Variants in CRTC3 observed in about 807,000 individuals in gnomAD.
CRTC3 encodes the protein CREB regulated transcription coactivator 3, also known as CREB-regulated transcription coactivator 3.
Under a neutral mutation model 74.5 loss-of-function variants are expected in CRTC3, and 26 were observed. That is an observed-to-expected ratio of 0.35 (90% CI 0.26 to 0.48). CRTC3 has a LOEUF of 0.48. Ranked by LOEUF, CRTC3 falls within the 20% of genes least tolerant of loss-of-function variation. The probability of loss-of-function intolerance (pLI) is 0.99; values close to 1 mark genes in which losing one functional copy is unlikely to be tolerated. For missense variants in CRTC3, 760 were observed against 787.3 expected (o/e 0.97, Z 0.41); for synonymous variants, 377 against 325.8 (o/e 1.16, Z -1.69).
chr15:90,585,263 G>C (rs2151074857), intron 2 of CRTC3, among the ~76,000 whole-genome samples: 1 of 152,222 alleles, frequency 6.6e-6, no homozygotes, highest in South Asian at 2.1e-4. Context: ...TCCCACCTCA[G>C]CCTCCCAAGT....
At chr15:90,570,157 C>T (rs1364703494) in intron 2 of CRTC3, among the ~76,000 whole-genome samples, 2 of 152,140 alleles carry the variant, frequency 1.3e-5, no homozygotes, top group Non-Finnish European at 2.9e-5. Flanking sequence ...TCTTTAGTGT[C>T]TTTTTGACAT....
intron 6 of CRTC3, among the ~76,000 whole-genome samples, chr15:90,611,169 G>A (rs982082020): frequency 6.6e-6 from 1 of 152,174 alleles, no homozygotes; most frequent in Non-Finnish European, 1.5e-5. Context: ...GGCCCAGAGT[G>A]GGGAGGCTGA....
At chr15:90,559,424 C>G (rs1966965103) in intron 2 of CRTC3, among the ~76,000 whole-genome samples, 1 of 152,232 alleles carries the variant, frequency 6.6e-6, no homozygotes, top group East Asian at 1.9e-4. Flanking sequence ...TTATTATTAT[C>G]CAGATTTATG....
intron 6 of CRTC3, among the ~76,000 whole-genome samples, chr15:90,613,228 CT>C (rs1170435645): frequency 6.6e-6 from 1 of 151,112 alleles, no homozygotes; most frequent in Non-Finnish European, 1.5e-5. Context: ...CCTTGGCCGA[CT>C]CTCACACCTT....
intron 11 of CRTC3, among the ~76,000 whole-genome samples, chr15:90,634,170 G>T (rs1364938049): frequency 6.6e-6 from 1 of 151,234 alleles, no homozygotes; most frequent in Non-Finnish European, 1.5e-5. Context: ...GGAGTGCAGT[G>T]GTGTGATCTC....
intron 11 of CRTC3, among the ~76,000 whole-genome samples, chr15:90,636,727 T>C (rs998042464): frequency 8.6e-5 from 13 of 151,870 alleles, no homozygotes; most frequent in African/African-American, 3.1e-4. Flanking sequence ...AACAACCCCA[T>C]CAAAAAGTGG....
At chr15:90,632,151 T>C (rs1267265195) in intron 11 of CRTC3, among the ~76,000 whole-genome samples, 1 of 152,146 alleles carries the variant, frequency 6.6e-6, no homozygotes, top group African/African-American at 2.4e-5. Flanking sequence ...TCGTGGTTCT[T>C]ATGTTATTGA....
At chr15:90,629,195 C>A in intron 10 of CRTC3, 39 bp from the exon 11 acceptor site, 2 of 1,580,496 alleles carry the variant, frequency 1.3e-6, no homozygotes, top group South Asian at 1.1e-5. Context: ...AAGATTTGGT[C>A]TGAAATTATA....
chr15:90,530,219 G>T lies in CRTC3; in HGVS notation c.132+16G>T. On this transcript the variant is annotated intron_variant, in intron 1 of 14. Coordinates refer to ENST00000268184, the MANE Select transcript of CRTC3 (RefSeq NM_022769.5). This position sits in a 1 kb window ranked among gnomAD's most constrained non-coding sequence, Gnocchi z 6.2. ...CCTGTCGCGGGTGAGGGCCCGGGCC[G>T]GCGCGGGCGGGGGCGGCCACGGCCG... The T allele has an allele frequency of 8.8e-7, 1 of 1,131,284 alleles. No homozygotes were observed. The allele number at this position is 1,131,284 out of a possible 1,614,324, so 70.1% of individuals were successfully genotyped here. A position where few individuals can be genotyped will look rare whatever the true frequency, so the allele number is the denominator to read the frequency against.
At chr15:90,631,876 G>A (rs1170629044) in intron 11 of CRTC3, among the ~76,000 whole-genome samples, 3 of 151,956 alleles carry the variant, frequency 2.0e-5, no homozygotes, top group East Asian at 3.9e-4. Context: ...CCTTGTGCCA[G>A]GCATGAGCCA....
chr15:90,644,541 G>A lies in CRTC3; in HGVS notation c.*2401G>A. ...CAAAGGCGTTCTCCAGGTGACTTGT[G>A]AAAACAGACCTCCGGGGAAGTGATT... is the stretch of plus-strand genomic sequence containing the variant. On this transcript the variant is annotated 3_prime_UTR_variant, in exon 15 of 15. Coordinates refer to ENST00000268184, the MANE Select transcript of CRTC3 (RefSeq NM_022769.5). The A allele has an allele frequency of 4.3e-6, 1 of 232,976 alleles. No individual in the cohort carries two copies. Among genetic ancestry groups the A allele is most frequent in the Non-Finnish European group, 8.5e-6 (1 of 117,956 alleles). The allele number at this position is 232,976 out of a possible 1,614,324, so 14.4% of individuals were successfully genotyped here. A position where few individuals can be genotyped will look rare whatever the true frequency, so the allele number is the denominator to read the frequency against.
Position 90,625,857 on chromosome 15 carries a change from A to G in CRTC3, c.831A>G (p.Leu277=), listed in dbSNP as rs1968815024. Residue 277 remains leucine (L), a synonymous_variant, in exon 10 of 15, where the codon CTA becomes CTG. Coordinates refer to ENST00000268184, the MANE Select transcript of CRTC3 (RefSeq NM_022769.5). ...ACACTGGAGGGTCATTGCCAGATCT[A>G]ACCAACCTCCACTACTCGACACCCC... ...TLNTGGSLPD[L]TNLHYSTPLP... 1 of 1,614,172 alleles carries G rather than the reference A, an allele frequency of 6.2e-7. No individual in the cohort carries two copies. The highest frequency in any genetic ancestry group is 8.5e-7 in the Non-Finnish European group (1 of 1,180,012).
chr15:90,605,053 C>G (rs886264545), intron 5 of CRTC3, among the ~76,000 whole-genome samples: 1 of 151,718 alleles, frequency 6.6e-6, no homozygotes, highest in Non-Finnish European at 1.5e-5. Flanking sequence ...GTGAGTCCAG[C>G]AGTTTGAGGC....
Position 90,625,787 on chromosome 15 carries a change from A to G in CRTC3, c.761A>G (p.His254Arg). ...CTTTCTTTTTTCAGTGCTTTTCCAC[A>G]TAATGGTCAAAACCTAGGCCTCTCA... is the stretch of plus-strand genomic sequence containing the variant. ...CDVGGGNAFP[H>R]NGQNLGLSPF... The change falls in exon 10 of 15, where the codon CAT (histidine) becomes CGT (arginine). Residue 254 changes from histidine (H) to arginine (R), a missense_variant. Transcript: ENST00000268184. 6.2e-7 allele frequency: 1 copy of G among 1,614,012 alleles called. No individual in the cohort carries two copies. The highest frequency in any genetic ancestry group is 8.5e-7 in the Non-Finnish European group (1 of 1,179,852).
At chr15:90,637,694 C>T (rs1233678191) in intron 11 of CRTC3, among the ~76,000 whole-genome samples, 1 of 152,134 alleles carries the variant, frequency 6.6e-6, no homozygotes, top group East Asian at 1.9e-4. Context: ...ATGGTGGGGG[C>T]CAGTGCGCAG....
At chr15:90,564,233 A>G (rs1967074419) in intron 2 of CRTC3, among the ~76,000 whole-genome samples, 1 of 152,214 alleles carries the variant, frequency 6.6e-6, no homozygotes, top group Non-Finnish European at 1.5e-5. Context: ...CTTTTGTTGA[A>G]TTACTAAAAC....
chr15:90,630,403 AAAG>A (rs1968994255), intron 11 of CRTC3, among the ~76,000 whole-genome samples: 2 of 152,222 alleles, frequency 1.3e-5, no homozygotes, highest in African/African-American at 4.8e-5. Context: ...ATAAGGATGA[AAAG>A]AAGTCTGTTG....
chr15:90,550,148 G>T (rs936141474), intron 2 of CRTC3, among the ~76,000 whole-genome samples: 3 of 151,566 alleles, frequency 2.0e-5, no homozygotes, highest in Non-Finnish European at 4.4e-5. Context: ...TTAAAAATTG[G>T]CTGAGTGTGG....
intron 14 of CRTC3, 195 bp downstream of exon 14, chr15:90,641,394 C>T: frequency 3.5e-6 from 2 of 570,128 alleles, no homozygotes. Flanking sequence ...GTAGTCAAAG[C>T]CTTTTCTGAA....
Sources: allele counts gnomAD v4.1 joint callset (sites outside exome capture counted in the v4.1 genomes callset), GRCh38; gene constraint gnomAD v4.1.1; non-coding constraint Gnocchi (gnomAD v3.1); transcripts MANE v1.5; gene names NCBI Gene and HGNC (gene_info 2026-07-23, HGNC 2026-07-21).